WAC: variants seen among roughly 807,000 people sequenced by gnomAD.
The protein encoded by WAC is WW domain containing adaptor with coiled-coil.
In WAC, 11 loss-of-function variants were observed where a neutral mutation model predicts 79.6. The observed-to-expected ratio is 0.14, with a 90% CI of 0.09 to 0.23. The LOEUF is 0.23. Among genes scored for constraint, WAC ranks in the 10% least tolerant of loss-of-function variants. WAC has a pLI of 1.00. For synonymous variants in WAC, 304 were observed against 276.9 expected (o/e 1.10, Z -0.97); for missense variants, 728 against 773.5 (o/e 0.94, Z 0.70).
At chr10:28,535,360 G>C (rs755414791) in intron 2 of WAC, 2 of 317,668 alleles carry the variant, frequency 6.3e-6, no homozygotes, top group East Asian at 6.8e-5. Flanking sequence ...AGTGTGATTT[G>C]TTATCAGGAG....
At chr10:28,558,900 A>C (rs988346310) in intron 3 of WAC, among the ~76,000 whole-genome samples, 7 of 152,192 alleles carry the variant, frequency 4.6e-5, no homozygotes, top group Non-Finnish European at 7.3e-5. Flanking sequence ...GGAATGTTGG[A>C]AAATATCAGA....
chr10:28,589,509 A>G (rs1839986586), intron 4 of WAC: 1 of 250,230 alleles, frequency 4.0e-6, no homozygotes, highest in African/African-American at 2.2e-5. Context: ...TCTGTGCCTA[A>G]CAATCTAATT....
chr10:28,562,410 A>G (rs1838352906), intron 3 of WAC, among the ~76,000 whole-genome samples: 1 of 152,160 alleles, frequency 6.6e-6, no homozygotes, highest in Non-Finnish European at 1.5e-5. Flanking sequence ...GAGCAGTGAC[A>G]ATATTTGAAA....
chr10:28,612,418 G>T (rs766772001), intron 10 of WAC, among the ~76,000 whole-genome samples: 1 of 152,100 alleles, frequency 6.6e-6, no homozygotes, highest in Non-Finnish European at 1.5e-5. Context: ...TGAAACCTAG[G>T]TGTTTGTGAA....
intron 3 of WAC, among the ~76,000 whole-genome samples, chr10:28,570,050 A>T (rs332137): frequency 0.84 from 127,327 of 152,192 alleles, 53,385 homozygotes; most frequent in East Asian, 0.94. Flanking sequence ...CTGCTTTGTG[A>T]GCACATGTCT....
chr10:28,545,558 A>G (rs1421870509), intron 3 of WAC, among the ~76,000 whole-genome samples: 5 of 152,218 alleles, frequency 3.3e-5, no homozygotes, highest in African/African-American at 1.2e-4. Context: ...ATTTAGGGAG[A>G]GTACACAGAA....
intron 3 of WAC, among the ~76,000 whole-genome samples, chr10:28,560,789 A>G (rs1002522475): frequency 6.6e-6 from 1 of 152,240 alleles, no homozygotes; most frequent in Non-Finnish European, 1.5e-5. Flanking sequence ...AAGCAGCCAC[A>G]GGCAAGATGG....
chr10:28,548,245 C>T (rs1189275898), intron 3 of WAC, among the ~76,000 whole-genome samples: 1 of 152,034 alleles, frequency 6.6e-6, no homozygotes, highest in African/African-American at 2.4e-5. Context: ...TTTCTAAAGA[C>T]CCTGGACAAT....
At chr10:28,599,908 A>G (rs1028454350) in intron 7 of WAC, among the ~76,000 whole-genome samples, 2 of 152,154 alleles carry the variant, frequency 1.3e-5, no homozygotes, top group African/African-American at 4.8e-5. Context: ...ACAAGTAGAG[A>G]AAGTCTGATA....
intron 3 of WAC, among the ~76,000 whole-genome samples, chr10:28,553,635 A>G (rs1350899625): frequency 2.0e-5 from 3 of 152,132 alleles, no homozygotes; most frequent in Non-Finnish European, 4.4e-5. Flanking sequence ...TACTGTTTTA[A>G]GTTAAAGTTT....
intron 3 of WAC, among the ~76,000 whole-genome samples, chr10:28,551,140 T>G (rs575363808): frequency 6.6e-6 from 1 of 152,326 alleles, no homozygotes; most frequent in South Asian, 2.1e-4. Flanking sequence ...GTGGTCTGTT[T>G]TCCAGATATC....
intron 3 of WAC, among the ~76,000 whole-genome samples, chr10:28,559,561 T>C (rs186123897): frequency 1.3e-5 from 2 of 152,286 alleles, no homozygotes; most frequent in East Asian, 3.9e-4. Flanking sequence ...GTGTTCTGTT[T>C]AGCATTTGTG....
chr10:28,618,996 A>G (rs923087208), intron 13 of WAC, among the ~76,000 whole-genome samples: 1 of 152,204 alleles, frequency 6.6e-6, no homozygotes, highest in African/African-American at 2.4e-5. Flanking sequence ...TTGTTAGAAA[A>G]GGCTGGGCGC....
intron 3 of WAC, among the ~76,000 whole-genome samples, chr10:28,571,984 G>A (rs968383601): frequency 6.6e-6 from 1 of 152,026 alleles, no homozygotes; most frequent in Non-Finnish European, 1.5e-5. Flanking sequence ...TCCTCCCTTA[G>A]AATAACTACT....
chr10:28,616,677 G>A (rs1265607655), intron 12 of WAC, among the ~76,000 whole-genome samples: 1 of 151,200 alleles, frequency 6.6e-6, no homozygotes, highest in South Asian at 2.1e-4. Context: ...AGACCAAATA[G>A]TGCATAAGAC....
chr10:28,594,976 A>G (rs560232478), intron 6 of WAC, among the ~76,000 whole-genome samples: 1 of 152,318 alleles, frequency 6.6e-6, no homozygotes, highest in Admixed American at 6.5e-5. Context: ...CTGAGCTTAA[A>G]GTATTTTTGT....
At chr10:28,577,077 G>A (rs1163637844) in intron 3 of WAC, among the ~76,000 whole-genome samples, 1 of 152,110 alleles carries the variant, frequency 6.6e-6, no homozygotes, top group Admixed American at 6.6e-5. Flanking sequence ...ACAACCAGCT[G>A]TCAAATTGTT....
chr10:28,549,546 C>T (rs889887766), intron 3 of WAC, among the ~76,000 whole-genome samples: 1 of 152,244 alleles, frequency 6.6e-6, no homozygotes, highest in Non-Finnish European at 1.5e-5. Context: ...GAACTCATTG[C>T]CCTGTTTTAA....
chr10:28,590,929 A>T, intron 6 of WAC, 97 bp downstream of exon 6: 1 of 943,866 alleles, frequency 1.1e-6, no homozygotes, highest in Non-Finnish European at 1.6e-6. Context: ...GTAAATTAAA[A>T]TAAATAGAAA....
Sources: gnomAD v4.1 joint callset for allele counts (sites outside exome capture counted in the v4.1 genomes callset) on GRCh38, gnomAD v4.1.1 for gene constraint, MANE v1.5 for transcripts, NCBI Gene and HGNC (gene_info 2026-07-23, HGNC 2026-07-21) for gene names.